SLC22A25: variants seen among roughly 807,000 people sequenced by gnomAD.
The protein encoded by SLC22A25 is MGI:2442751, MGI:2385316, MGI:3042283, MGI:3645714, MGI:3605624, MGI:2442750.
A neutral mutation model predicts 45.9 loss-of-function variants in SLC22A25; 44 were observed. That is an observed-to-expected ratio of 0.96 (90% CI 0.75 to 1.23). SLC22A25 has a LOEUF of 1.23. Among genes scored for constraint, SLC22A25 ranks in the 50% most tolerant of loss-of-function variants. The pLI is 0.00. For synonymous variants in SLC22A25, 283 were observed against 238.6 expected, an observed-to-expected ratio of 1.19 and a Z score of -1.72; for missense variants, 800 against 666.4, an observed-to-expected ratio of 1.20 and a Z score of -2.21.
chr11:63,239,185 TG>T (rs1487786527), intron 1 of SLC22A25, 50 bp from the exon 2 acceptor site: 1 of 152,194 alleles, frequency 6.6e-6, no homozygotes, highest in Admixed American at 6.5e-5. Context: ...AGAGAAAAAA[TG>T]TTTCCTTTCC....
intron 7 of SLC22A25, among the ~76,000 whole-genome samples, chr11:63,185,141 TA>T (rs1476609929): frequency 7.2e-5 from 11 of 152,170 alleles, no homozygotes; most frequent in Non-Finnish European, 1.5e-4. Flanking sequence ...TATTTTATTT[TA>T]TTTTTTTATT....
intron 7 of SLC22A25, among the ~76,000 whole-genome samples, chr11:63,204,438 G>A (rs2089338924): frequency 6.6e-6 from 1 of 152,092 alleles, no homozygotes; most frequent in African/African-American, 2.4e-5. Context: ...AACACACATA[G>A]GCTCATAATA....
At chr11:63,190,874 C>T (rs932215037) in intron 7 of SLC22A25, among the ~76,000 whole-genome samples, 4 of 152,174 alleles carry the variant, frequency 2.6e-5, no homozygotes, top group Non-Finnish European at 4.4e-5. Flanking sequence ...TATTGGTGAA[C>T]CGCAAATGTT....
rs556883590 is a variant in SLC22A25, at chr11:63,166,665, A to G, written c.1071-407T>C. 8.7e-5 allele frequency: 87 copies of G among 998,542 alleles called. No individual in the cohort carries two copies. The East Asian group carries it at 6.9e-3, about 79-fold the overall frequency. The allele number at this position is 998,542 out of a possible 1,614,324, so 61.9% of individuals were successfully genotyped here. ...CTCACAGTAAAGATCTAAGAAGCCA[A>G]AATTTCCATTTGCCACCCTTACAAT... On this transcript the variant is annotated intron_variant, in intron 9 of 11. Coordinates refer to ENST00000306494, the MANE Select transcript of SLC22A25 (RefSeq NM_199352.6).
intron 7 of SLC22A25, chr11:63,208,192 A>C (rs902678123): frequency 8.5e-5 from 13 of 152,334 alleles, no homozygotes; most frequent in Non-Finnish European, 1.8e-4. Context: ...ACCTGGATGG[A>C]GACTGGCTCT....
chr11:63,229,411 G>A lies in SLC22A25; in HGVS notation c.242C>T (p.Ser81Leu). 1.2e-6 allele frequency: 2 copies of A among 1,612,138 alleles called. No individual in the cohort carries two copies. The highest frequency in any genetic ancestry group is 4.5e-5 in the East Asian group (2 of 44,874). Residue 81 changes from serine to leucine, a missense_variant, in exon 4 of 12, where the codon TCA becomes TTA. Transcript: ENST00000306494. ...ACGACACTTCTCTGGCCTCAGATTTGAGTCGAATGGGATGGAGATTCTCAG... is the reference window on the plus strand; with the variant it reads ...ACGACACTTCTCTGGCCTCAGATTTAAGTCGAATGGGATGGAGATTCTCAG... ...ALLRISIPFD[S>L]NLRPEKCRRF...
At position 63,166,201 on chromosome 11, in the gene SLC22A25, G is replaced by C; in HGVS notation, c.1128C>G (p.Asn376Lys). The change falls in exon 10 of 12, where the codon AAC becomes AAG. Residue 376 changes from asparagine (N) to lysine (K), a missense_variant. Transcript: ENST00000306494. The part of the protein sequence containing the change: ...GLTLHLQHLG[N>K]NVFLLQTLFG... ...AGAGAGTCTGCAACAGGAAAACATT[G>C]TTTCCCAGATGCTGGAGGTGCAAAG... 1 of 1,613,936 alleles carries C rather than the reference G, an allele frequency of 6.2e-7. No individual in the cohort carries two copies. Among genetic ancestry groups the C allele is most frequent in the Non-Finnish European group, 8.5e-7 (1 of 1,179,892 alleles).
Position 63,228,583 on chromosome 11 carries a change from C to T in SLC22A25, c.403-19G>A, listed in dbSNP as rs1157739385. On this transcript the variant is annotated intron_variant, in intron 4 of 11. Coordinates refer to ENST00000306494, the MANE Select transcript of SLC22A25 (RefSeq NM_199352.6). ...GATCCCACTGGAAGAAAAGGAAACC[C>T]TCATATCAATGCTTATAGCCCCTCA... The T allele has an allele frequency of 1.3e-6, 2 of 1,579,524 alleles. No homozygotes were observed. The highest frequency in any genetic ancestry group is 1.7e-6 in the Non-Finnish European group (2 of 1,150,054).
At chr11:63,166,429 G>A in intron 9 of SLC22A25, 171 bp from the exon 10 acceptor site, 2 of 1,431,044 alleles carry the variant, frequency 1.4e-6, no homozygotes, top group Non-Finnish European at 1.8e-6. Context: ...TAAAATAATG[G>A]TTAGATGATA....
chr11:63,243,232 G>A (rs550884868), intron 1 of SLC22A25: 4 of 320,826 alleles, frequency 1.2e-5, no homozygotes, highest in Admixed American at 4.1e-5. Context: ...TGTGCAGAAG[G>A]CCATCCAGCC....
intron 8 of SLC22A25, among the ~76,000 whole-genome samples, chr11:63,182,369 A>T (rs528580278): frequency 6.6e-6 from 1 of 151,982 alleles, no homozygotes; most frequent in Non-Finnish European, 1.5e-5. Context: ...CTGTAAGAGT[A>T]GCTTTTATTT....
intron 7 of SLC22A25, among the ~76,000 whole-genome samples, chr11:63,185,343 T>G (rs942696440): frequency 1.3e-5 from 2 of 151,796 alleles, no homozygotes; most frequent in African/African-American, 4.8e-5. Context: ...TGTGTCCATG[T>G]GTTCTCATTG....
chr11:63,186,476 T>G (rs1219478243), intron 7 of SLC22A25, among the ~76,000 whole-genome samples: 1 of 145,202 alleles, frequency 6.9e-6, no homozygotes, highest in African/African-American at 2.5e-5. Flanking sequence ...TGCAAAAATT[T>G]TCTCCCATTC....
intron 7 of SLC22A25, among the ~76,000 whole-genome samples, chr11:63,200,851 T>C (rs1353091416): frequency 6.6e-6 from 1 of 152,178 alleles, no homozygotes; most frequent in Non-Finnish European, 1.5e-5. Context: ...CTAGCATTCC[T>C]GTACACCAAC....
Position 63,183,750 on chromosome 11 carries a change from T to C in SLC22A25, c.898A>G (p.Arg300Gly), listed in dbSNP as rs769005936. The C allele has an allele frequency of 2.5e-6, 4 of 1,613,298 alleles. No homozygotes were observed. The highest frequency in any genetic ancestry group is 3.4e-6 in the Non-Finnish European group (4 of 1,179,396). The change falls in exon 8 of 12, where the codon AGA becomes GGA. Residue 300 changes from arginine to glycine, a missense_variant. Coordinates refer to ENST00000306494, the MANE Select transcript of SLC22A25 (RefSeq NM_199352.6). The stretch of plus-strand genomic sequence containing the variant: ...ATTCCATTCCTGTGTGCAGCTTTTC[T>C]AAGTTCCTTTAAGCCCTCTTCTGGT... ...NKPEEGLKELRKAAHRNGMKN... is the reference protein window; with the variant it reads ...NKPEEGLKELGKAAHRNGMKN...
At chr11:63,237,165 G>A (rs543366462) in intron 3 of SLC22A25, among the ~76,000 whole-genome samples, 40 of 152,142 alleles carry the variant, frequency 2.6e-4, no homozygotes, top group South Asian at 2.1e-4. Context: ...ATAAACATGG[G>A]AACAATAGAC....
intron 3 of SLC22A25, among the ~76,000 whole-genome samples, chr11:63,235,322 T>C (rs994199405): frequency 6.6e-6 from 1 of 152,248 alleles, no homozygotes; most frequent in Admixed American, 6.5e-5. Flanking sequence ...GTCCCATATT[T>C]CTTGGAGGCT....
In SLC22A25 at chr11:63,163,982, G is replaced by A; in HGVS notation, c.1486C>T (p.Leu496=). The change falls in exon 12 of 12, where the codon CTG becomes TTG. Residue 496 remains leucine (L), a synonymous_variant. Transcript: ENST00000306494. The part of the protein sequence containing the change: ...MMILSIYSRP[L]PWIIYGVFAI... The stretch of plus-strand genomic sequence containing the variant: ...AAGACTCCATAGATGATCCAGGGCA[G>A]GGGTCGAGAATATATGCTTAGGATC... 1 of 1,613,934 alleles carries A rather than the reference G, an allele frequency of 6.2e-7. No homozygotes were observed. The highest frequency in any genetic ancestry group is 1.1e-5 in the South Asian group (1 of 91,050).
intron 8 of SLC22A25, 137 bp downstream of exon 8, chr11:63,183,557 T>C: frequency 1.8e-6 from 2 of 1,089,648 alleles, no homozygotes; most frequent in Non-Finnish European, 2.7e-6. Flanking sequence ...TTGACACCCA[T>C]TGAGAATGAT....
Sources: gnomAD v4.1 joint callset for allele counts (sites outside exome capture counted in the v4.1 genomes callset) on GRCh38, gnomAD v4.1.1 for gene constraint, MANE v1.5 for transcripts, NCBI Gene and HGNC (gene_info 2026-07-23, HGNC 2026-07-21) for gene names.